F8: variants seen among roughly 807,000 people sequenced by gnomAD.
The protein encoded by F8 is coagulation factor VIII, also known as antihemophilic factor.
A neutral mutation model predicts 140.6 loss-of-function variants in F8; 12 were observed. That is an observed-to-expected ratio of 0.09 (90% CI 0.05 to 0.14). The LOEUF (loss-of-function observed/expected upper bound fraction) is 0.14, where lower values mean the gene tolerates loss of function less well. Among genes scored for constraint, F8 ranks in the 10% least tolerant of loss-of-function variants. F8 has a pLI of 1.00. For missense variants in F8, 1,354 were observed against 1,720.7 expected, an observed-to-expected ratio of 0.79 and a Z score of 3.77; for synonymous variants, 585 against 614.6, an observed-to-expected ratio of 0.95 and a Z score of 0.71.
rs782413280 is a variant in F8, at chrX:154,969,461, G to A, written c.879C>T (p.His293=). 1.7e-6 allele frequency: 2 copies of A among 1,211,208 alleles called. No homozygotes were observed. Among genetic ancestry groups the A allele is most frequent in the East Asian group, 5.9e-5 (2 of 33,834 alleles). ...PEVHSIFLEG[H]TFLVRNHRQA... is the part of the protein sequence containing the mutation. ...GGCGATGGTTCCTCACAAGAAATGT[G>A]TGACCTTCGAGGAATATTGAGTGCA... Residue 293 remains histidine, a synonymous_variant, in exon 7 of 26, where the codon CAC becomes CAT. Transcript: ENST00000360256.
intron 22 of F8, among the ~76,000 whole-genome samples, chrX:154,871,803 G>C (rs76489481): frequency 1.8e-5 from 2 of 111,688 alleles, no homozygotes; most frequent in Admixed American, 9.5e-5. Flanking sequence ...ATCCATCTGA[G>C]AAAGGGCTAA....
chrX:154,838,069 A>T (rs2072489172), intron 25 of F8, among the ~76,000 whole-genome samples: 1 of 112,773 alleles, frequency 8.9e-6, no homozygotes, highest in South Asian at 3.6e-4. Context: ...GGCTTTGGCC[A>T]GCAGACTCCC....
Position 154,969,537 on chromosome X carries a change from T to C in F8, c.803A>G (p.His268Arg), listed in dbSNP as rs1557282383. Residue 268 changes from histidine (H) to arginine (R), a missense_variant, in exon 7 of 26, where the codon CAC becomes CGC. This residue lies in a region of F8 where 128 missense variants were observed against 230.4 expected (regional missense o/e 0.56). Transcript: ENST00000360256. ...NRSLPGLIGC[H>R]RKSVYWHVIG... The stretch of plus-strand genomic sequence containing the variant: ...CACATGCCAATAGACTGATTTCCTG[T>C]GGCATCCAATCAGACCTGTAAAGTA... 5.0e-6 allele frequency: 6 copies of C among 1,208,462 alleles called. No homozygotes were observed. Among genetic ancestry groups the C allele is most frequent in the African/African-American group, 1.7e-5 (1 of 57,175 alleles).
chrX:155,022,353 C>T, intron 1 of F8, 57 bp downstream of exon 1: 1 of 1,154,381 alleles, frequency 8.7e-7, no homozygotes, highest in South Asian at 1.8e-5. Flanking sequence ...TTCCTCCAAG[C>T]AGACTTACAT....
chrX:155,017,362 C>T (rs2124169457), intron 1 of F8, among the ~76,000 whole-genome samples: 1 of 112,332 alleles, frequency 8.9e-6, no homozygotes, highest in East Asian at 2.8e-4. Flanking sequence ...AACTGTGAGA[C>T]AGTAAATGGG....
intron 22 of F8, among the ~76,000 whole-genome samples, chrX:154,872,493 A>T (rs1186807570): frequency 9.4e-6 from 1 of 106,184 alleles, no homozygotes; most frequent in Non-Finnish European, 1.9e-5. Flanking sequence ...GTGGGAGCTG[A>T]ACAATGAGAA....
chrX:154,866,855 G>A (rs781878680), intron 22 of F8, among the ~76,000 whole-genome samples: 45 of 106,981 alleles, frequency 4.2e-4, no homozygotes, highest in African/African-American at 1.4e-3. Flanking sequence ...AAATGCTAGA[G>A]CAGAAATAAA....
At chrX:154,983,008 G>A (rs1461934632) in intron 6 of F8, among the ~76,000 whole-genome samples, 2 of 112,364 alleles carry the variant, frequency 1.8e-5, no homozygotes, top group Non-Finnish European at 3.8e-5. Context: ...TTTGGAGGGA[G>A]TCAAAAGTTA....
At chrX:154,966,277 GT>G (rs1474891909) in intron 8 of F8, 136 bp from the exon 9 acceptor site, 34 of 895,888 alleles carry the variant, frequency 3.8e-5, no homozygotes, top group Non-Finnish European at 5.3e-5. Flanking sequence ...GCTCAGCTAT[GT>G]TAGTTTCCAA....
chrX:154,871,822 A>T (rs1271509578), intron 22 of F8, among the ~76,000 whole-genome samples: 1 of 112,236 alleles, frequency 8.9e-6, no homozygotes, highest in Non-Finnish European at 1.9e-5. Context: ...AATATCCAGA[A>T]TCTACAAAGA....
At chrX:154,890,620 A>C (rs2072936632) in intron 22 of F8, among the ~76,000 whole-genome samples, 1 of 112,165 alleles carries the variant, frequency 8.9e-6, no homozygotes, top group Non-Finnish European at 1.9e-5. Flanking sequence ...GAAAAGACAT[A>C]TGTGTGTATA....
rs781825187 is a variant in F8, at chrX:154,966,131, T to C, written c.1282A>G (p.Ser428Gly). The C allele has an allele frequency of 3.3e-6, 4 of 1,209,319 alleles. No individual in the cohort carries two copies. Among genetic ancestry groups the C allele is most frequent in the Non-Finnish European group, 3.4e-6 (3 of 894,452 alleles). The change falls in exon 9 of 26, where the codon AGT becomes GGT. Residue 428 changes from serine (S) to glycine (G), a missense_variant. Physicochemically the swap from Ser to Gly is moderately conservative, Grantham distance 56. Transcript: ENST00000360256. Reference protein sequence around the residue: ...VLAPDDRSYKSQYLNNGPQRI... With the variant: ...VLAPDDRSYKGQYLNNGPQRI... Reference sequence around the variant, plus strand: ...TGAGGGCCATTGTTCAAATATTGACTTTTATAACTTCTGTATAAGAGAAAA... The same window carrying C: ...TGAGGGCCATTGTTCAAATATTGACCTTTATAACTTCTGTATAAGAGAAAA...
chrX:154,962,852 G>A (rs2073402638), intron 9 of F8, among the ~76,000 whole-genome samples: 1 of 108,474 alleles, frequency 9.2e-6, no homozygotes, highest in Non-Finnish European at 1.9e-5. Flanking sequence ...CTGGGTGACA[G>A]AATGAGACCC....
At chrX:154,961,893 G>A (rs1405006431) in intron 9 of F8, among the ~76,000 whole-genome samples, 1 of 111,282 alleles carries the variant, frequency 9.0e-6, no homozygotes, top group Non-Finnish European at 1.9e-5. Context: ...CATAACAACC[G>A]AGAAGCATTG....
intron 1 of F8, among the ~76,000 whole-genome samples, chrX:155,008,224 C>T (rs1480259120): frequency 2.7e-5 from 3 of 111,321 alleles, no homozygotes; most frequent in Non-Finnish European, 3.8e-5. Context: ...ATTCTGTGTC[C>T]CCACTAAGAA....
At chrX:154,839,780 C>T (rs7357998) in intron 25 of F8, among the ~76,000 whole-genome samples, 1,391 of 111,798 alleles carry the variant, frequency 0.012, 24 homozygotes, top group African/African-American at 0.043. Flanking sequence ...TCCTCTGTCT[C>T]CGCCACCAAA....
intron 5 of F8, among the ~76,000 whole-genome samples, chrX:154,986,629 T>C (rs1259267872): frequency 2.7e-5 from 3 of 111,350 alleles, no homozygotes; most frequent in Non-Finnish European, 5.7e-5. Flanking sequence ...CAAGATCAGA[T>C]ACTCACTTCA....
chrX:154,866,957 C>A (rs782492753), intron 22 of F8, among the ~76,000 whole-genome samples: 2 of 110,970 alleles, frequency 1.8e-5, no homozygotes, highest in African/African-American at 3.3e-5. Context: ...AAGTCCTTAT[C>A]TAGACTACGA....
intron 1 of F8, among the ~76,000 whole-genome samples, chrX:155,015,217 C>A (rs1033226342): frequency 1.6e-4 from 18 of 111,415 alleles, no homozygotes; most frequent in Non-Finnish European, 3.2e-4. Flanking sequence ...TATTATAAAC[C>A]TAAATACTAA....
Sources: gnomAD v4.1 joint callset for allele counts (sites outside exome capture counted in the v4.1 genomes callset) on GRCh38, gnomAD v4.1.1 for gene constraint, gnomAD v4.1.1 regional missense constraint, MANE v1.5 for transcripts, NCBI Gene and HGNC (gene_info 2026-07-23, HGNC 2026-07-21) for gene names.